TCF4: variants seen among roughly 807,000 people sequenced by gnomAD.
The protein encoded by TCF4 is transcription factor 4, also known as SL3-3 enhancer factor 2.
A neutral mutation model predicts 82.1 loss-of-function variants in TCF4; 3 were observed. The observed-to-expected ratio is 0.04, with a 90% confidence interval of 0.02 to 0.09. TCF4 has a LOEUF of 0.09. TCF4 is among the 10% of genes least tolerant of loss of function. The probability of loss-of-function intolerance (pLI) is 1.00; values close to 1 mark genes in which losing one functional copy is unlikely to be tolerated. For missense variants in TCF4, 518 were observed against 852.7 expected, an observed-to-expected ratio of 0.61 and a Z score of 4.89; for synonymous variants, 276 against 309.6, an observed-to-expected ratio of 0.89 and a Z score of 1.14.
Position 55,568,166 on chromosome 18 carries a change from G to GAA in TCF4, c.145+17112_145+17113dup, listed in dbSNP as rs202124716. Among the ~76,000 whole-genome samples, 211 of 107,932 alleles carry GAA rather than the reference G, an allele frequency of 2.0e-3. 1 individual carries two copies. The highest frequency in any genetic ancestry group is 5.6e-3 in the African/African-American group (187 of 33,212). 70.8% of individuals were successfully genotyped at this position (107,932 alleles called of 152,430 possible). A position where few individuals can be genotyped will look rare whatever the true frequency, so the allele number is the denominator to read the frequency against. Reference sequence around the variant, plus strand: ...TGCACTAAGTAGTCAACTCTATTTAGAAAAAAAAAAAAACAGAATAATAAG... The same window carrying GAA: ...TGCACTAAGTAGTCAACTCTATTTAGAAAAAAAAAAAAAAACAGAATAATAAG... On this transcript the variant is annotated intron_variant, in intron 3 of 19. Transcript: ENST00000354452.
Position 55,234,774 on chromosome 18 carries a change from T to C in TCF4, c.1351-91A>G, listed in dbSNP as rs2048880710. 4 of 1,597,860 alleles carry C rather than the reference T, an allele frequency of 2.5e-6. No individual in the cohort carries two copies. The South Asian group carries it at 4.4e-5, about 18-fold the overall frequency. On this transcript the variant is annotated intron_variant, in intron 15 of 19. Transcript: ENST00000354452. ...CCAAGAGGACCTGATGAAGGCTGGC[T>C]TTTCAAAAACCATACTCCCAAACGC...
intron 3 of TCF4, among the ~76,000 whole-genome samples, chr18:55,548,837 A>G (rs1238352429): frequency 4.6e-5 from 7 of 152,232 alleles, no homozygotes; most frequent in Non-Finnish European, 1.0e-4. Flanking sequence ...AAAAGATTGT[A>G]CACCTATATA....
chr18:55,545,214 T>C (rs1488869162), intron 3 of TCF4, among the ~76,000 whole-genome samples: 1 of 152,228 alleles, frequency 6.6e-6, no homozygotes, highest in African/African-American at 2.4e-5. Flanking sequence ...GGAATATGCA[T>C]GGAAATGAAT....
chr18:55,511,443 G>C (rs2096828468), intron 3 of TCF4, among the ~76,000 whole-genome samples: 1 of 151,660 alleles, frequency 6.6e-6, no homozygotes, highest in Non-Finnish European at 1.5e-5. Flanking sequence ...GGAGTATGGG[G>C]AATTTCACAT....
intron 3 of TCF4, among the ~76,000 whole-genome samples, chr18:55,552,609 G>A (rs1323437256): frequency 3.3e-5 from 5 of 152,316 alleles, no homozygotes; most frequent in African/African-American, 1.2e-4. Flanking sequence ...CTGTGAAAAC[G>A]CTGCAGAAAT....
intron 2 of TCF4, chr18:55,586,151 A>C (rs2097644541): frequency 8.1e-7 from 1 of 1,239,586 alleles, no homozygotes; most frequent in African/African-American, 1.5e-5. Flanking sequence ...GAGGAGGAGG[A>C]GGAGCAGCAG....
At chr18:55,628,721 G>C (rs2097728932) in intron 2 of TCF4, among the ~76,000 whole-genome samples, 1 of 152,156 alleles carries the variant, frequency 6.6e-6, no homozygotes, top group African/African-American at 2.4e-5. Flanking sequence ...TCACACCCTT[G>C]AAGGAAGCTT....
chr18:55,585,407 G>C (rs2097631426), intron 2 of TCF4, 55 bp from the exon 3 acceptor site: 2 of 1,471,878 alleles, frequency 1.4e-6, no homozygotes, highest in Admixed American at 1.7e-5. Context: ...TGCCTTCAGA[G>C]CTCCTCAAAG....
chr18:55,361,056 G>A (rs913864541), intron 6 of TCF4, among the ~76,000 whole-genome samples: 1 of 152,016 alleles, frequency 6.6e-6, no homozygotes, highest in Non-Finnish European at 1.5e-5. Flanking sequence ...AAAGCTACAG[G>A]ACATATTCTC....
At position 55,583,361 on chromosome 18, in the gene TCF4, ATGTG is replaced by A. The variant is rs1048846826; in HGVS notation, c.145+1915_145+1918del. Reference sequence around the variant, plus strand: ...TGTATGTGTATGTGTGTATGTGTGTATGTGTGTGTGTTATTGTCTTCAGAACTGT... The same window carrying A: ...TGTATGTGTATGTGTGTATGTGTGTATGTGTGTTATTGTCTTCAGAACTGT... On this transcript the variant is annotated intron_variant, in intron 3 of 19. Transcript: ENST00000354452. 7.7e-4 allele frequency among the ~76,000 whole-genome samples: 117 copies of A among 151,960 alleles called. 1 individual carries two copies. The highest frequency in any genetic ancestry group is 2.7e-3 in the African/African-American group (112 of 41,472).
chr18:55,382,876 C>A lies in TCF4; in HGVS notation c.369+20578G>T, dbSNP rs538027348. On this transcript the variant is annotated intron_variant, in intron 6 of 19. Coordinates refer to ENST00000354452, the MANE Select transcript of TCF4 (RefSeq NM_001083962.2). ...ATAGTCTCCTTCCTCATTACCTATT[C>A]TGATAGTTACAAAACCCTGAAGCTA... is the stretch of plus-strand genomic sequence containing the variant. 2.0e-5 allele frequency among the ~76,000 whole-genome samples: 3 copies of A among 152,204 alleles called. No homozygotes were observed. The East Asian group carries it at 5.8e-4, about 29-fold the overall frequency.
chr18:55,520,108 A>C (rs1244492648), intron 3 of TCF4, among the ~76,000 whole-genome samples: 3 of 152,184 alleles, frequency 2.0e-5, no homozygotes, highest in Admixed American at 6.5e-5. Flanking sequence ...ACCTAAAATG[A>C]ATTTTTATTT....
chr18:55,306,705 C>G (rs1193650831), intron 8 of TCF4, among the ~76,000 whole-genome samples: 2 of 152,206 alleles, frequency 1.3e-5, no homozygotes, highest in African/African-American at 4.8e-5. Flanking sequence ...CTAGTGATGT[C>G]ACCTTGCAGG....
At chr18:55,353,596 A>C (rs1398906630) in intron 6 of TCF4, among the ~76,000 whole-genome samples, 1 of 152,146 alleles carries the variant, frequency 6.6e-6, no homozygotes, top group Non-Finnish European at 1.5e-5. Context: ...TGAAGATAAA[A>C]ATATATGTGT....
chr18:55,413,429 A>G (rs1190014347), intron 5 of TCF4, among the ~76,000 whole-genome samples: 1 of 152,230 alleles, frequency 6.6e-6, no homozygotes, highest in Non-Finnish European at 1.5e-5. Context: ...TATTTATAGA[A>G]GAATGATGTT....
At chr18:55,347,394 C>G (rs866199939) in intron 8 of TCF4, among the ~76,000 whole-genome samples, 1 of 152,090 alleles carries the variant, frequency 6.6e-6, no homozygotes, top group South Asian at 2.1e-4. Flanking sequence ...GAGGGACAGG[C>G]TTCCCCCCGA....
intron 17 of TCF4, chr18:55,231,535 C>A (rs2047919748): frequency 6.6e-6 from 1 of 152,156 alleles, no homozygotes; most frequent in Admixed American, 6.5e-5. Flanking sequence ...ATAAGTTTGG[C>A]CACAATAAGT....
At chr18:55,467,844 T>C (rs1336709556) in intron 3 of TCF4, among the ~76,000 whole-genome samples, 1 of 152,144 alleles carries the variant, frequency 6.6e-6, no homozygotes, top group Admixed American at 6.6e-5. Context: ...TCACATGTGG[T>C]GAGCTTGAAT....
chr18:55,321,993 G>A lies in TCF4; in HGVS notation c.549+28366C>T, dbSNP rs1350405550. 3 of 1,237,252 alleles carry A rather than the reference G, an allele frequency of 2.4e-6. No homozygotes were observed. In the African/African-American group the frequency reaches 4.6e-5, roughly 19 times the overall value. The allele number at this position is 1,237,252 out of a possible 1,614,324, so 76.6% of individuals were successfully genotyped here. On this transcript the variant is annotated intron_variant, in intron 8 of 19. Transcript: ENST00000354452. ...TGGAGCTCGAAATCCTAATGCATACGCGAGATCGATTCAACTTTTCCGAGG... is the reference window on the plus strand; with the variant it reads ...TGGAGCTCGAAATCCTAATGCATACACGAGATCGATTCAACTTTTCCGAGG...
Sources: allele counts gnomAD v4.1 joint callset (sites outside exome capture counted in the v4.1 genomes callset), GRCh38; gene constraint gnomAD v4.1.1; transcripts MANE v1.5; gene names NCBI Gene and HGNC (gene_info 2026-07-23, HGNC 2026-07-21).